Variants in SCAF11 observed in about 807,000 individuals in gnomAD.
The protein encoded by SCAF11 is protein SCAF11.
A neutral mutation model predicts 140.5 loss-of-function variants in SCAF11; 47 were observed. The ratio of observed to expected loss-of-function variants is 0.33; its 90% CI spans 0.26 to 0.43. The LOEUF (loss-of-function observed/expected upper bound fraction) is 0.43. Ranked by LOEUF, SCAF11 falls within the 20% of genes least tolerant of loss-of-function variation. SCAF11 has a pLI of 1.00. For missense variants in SCAF11, 1,645 were observed against 1,705.1 expected (o/e 0.96, Z 0.62); for synonymous variants, 557 against 579.4 (o/e 0.96, Z 0.55).
intron 1 of SCAF11, among the ~76,000 whole-genome samples, chr12:45,985,477 G>T (rs1367611732): frequency 2.0e-5 from 3 of 151,994 alleles, no homozygotes; most frequent in African/African-American, 7.2e-5. Context: ...TGATCTAGAG[G>T]TTCCTCTAGA....
chr12:45,951,585 A>G, intron 4 of SCAF11, 65 bp downstream of exon 4: 1 of 1,066,892 alleles, frequency 9.4e-7, no homozygotes. Context: ...CACAAACTGG[A>G]AATCAAAGTC....
chr12:45,956,986 T>C lies in SCAF11; in HGVS notation c.219+4714A>G, dbSNP rs142094403. On this transcript the variant is annotated intron_variant, in intron 3 of 14. Transcript: ENST00000369367. ...AAAATAGTGGTGGATCTGAAAAAAT[T>C]AGCTACAAGTTAAAGTTCTTGTGGA... 1.2e-4 allele frequency among the ~76,000 whole-genome samples: 19 copies of C among 152,280 alleles called. No homozygotes were observed. The East Asian group carries it at 3.7e-3, about 29-fold the overall frequency.
At chr12:45,976,062 A>G (rs1946225542) in intron 1 of SCAF11, among the ~76,000 whole-genome samples, 1 of 152,196 alleles carries the variant, frequency 6.6e-6, no homozygotes, top group Non-Finnish European at 1.5e-5. Flanking sequence ...CAGTATCTAC[A>G]AAACACAATA....
chr12:45,961,548 ATGAC>A (rs1227713405), intron 3 of SCAF11, 148 bp downstream of exon 3: 8 of 651,890 alleles, frequency 1.2e-5, no homozygotes, highest in Admixed American at 3.4e-5. Context: ...TTAGAAGAAA[ATGAC>A]TGACAGAATT....
rs749097910 is a variant in SCAF11 at position 45,926,787 on chromosome 12, T to C, written c.2914A>G (p.Asn972Asp). ...YSPRWKGRWANDGWRCPRGND... is the reference protein window; with the variant it reads ...YSPRWKGRWADDGWRCPRGND... Reference sequence around the variant, plus strand: ...CCTCGTGGACATCTCCAACCATCATTTGCCCATCTTCCCTTCCACCGGGGA... The same window carrying C: ...CCTCGTGGACATCTCCAACCATCATCTGCCCATCTTCCCTTCCACCGGGGA... The change falls in exon 11 of 15, where the codon AAT (asparagine) becomes GAT (aspartate). Residue 972 changes from asparagine (N) to aspartate (D), a missense_variant. Physicochemically the swap from Asn to Asp is conservative, Grantham distance 23. This residue lies in a region of SCAF11 where 1,582 missense variants were observed against 1,609.2 expected (regional missense o/e 0.98). Transcript: ENST00000369367. 3 of 1,614,174 alleles carry C rather than the reference T, an allele frequency of 1.9e-6. No individual in the cohort carries two copies. The Admixed American group carries it at 5.0e-5, about 27-fold the overall frequency.
intron 1 of SCAF11, among the ~76,000 whole-genome samples, chr12:45,968,998 C>G (rs1484771544): frequency 6.6e-6 from 1 of 152,132 alleles, no homozygotes; most frequent in African/African-American, 2.4e-5. Flanking sequence ...AATAGTGCTG[C>G]CCAACAGGGA....
At chr12:45,956,104 T>A in intron 3 of SCAF11, 1 of 715,810 alleles carries the variant, frequency 1.4e-6, no homozygotes, top group South Asian at 1.5e-5. Flanking sequence ...ACCTTCCTTA[T>A]TTGGGAATTC....
chr12:45,945,593 G>A (rs1945404333), intron 5 of SCAF11, among the ~76,000 whole-genome samples: 1 of 119,794 alleles, frequency 8.3e-6, no homozygotes, highest in Admixed American at 1.0e-4. Context: ...CTGGACTGTT[G>A]TGGTGCAATC....
chr12:45,935,513 A>T (rs1052081844), intron 6 of SCAF11, among the ~76,000 whole-genome samples: 2 of 152,226 alleles, frequency 1.3e-5, no homozygotes, highest in Admixed American at 6.5e-5. Flanking sequence ...AGGTACACAG[A>T]TAACACTCTT....
At chr12:45,958,657 A>T (rs922587711) in intron 3 of SCAF11, among the ~76,000 whole-genome samples, 1 of 152,196 alleles carries the variant, frequency 6.6e-6, no homozygotes, top group African/African-American at 2.4e-5. Context: ...ATCATAGTGG[A>T]CATGATTAAT....
intron 1 of SCAF11, among the ~76,000 whole-genome samples, chr12:45,980,423 T>G (rs1946323450): frequency 6.6e-6 from 1 of 152,172 alleles, no homozygotes. Context: ...ACACACTTAG[T>G]CCCTCTCTCT....
chr12:45,991,897 C>A, upstream of SCAF11: 1 of 1,286,944 alleles, frequency 7.8e-7, no homozygotes, highest in Non-Finnish European at 1.0e-6. Context: ...AGGTCCCAGT[C>A]GCTTTCAGCC....
At chr12:45,950,818 T>C (rs1007106794) in intron 4 of SCAF11, among the ~76,000 whole-genome samples, 1 of 152,142 alleles carries the variant, frequency 6.6e-6, no homozygotes, top group Admixed American at 6.5e-5. Context: ...TTCCATCCCC[T>C]TTTCTACTTA....
intron 1 of SCAF11, chr12:45,975,841 C>G (rs1026925428): frequency 6.6e-6 from 1 of 152,050 alleles, no homozygotes; most frequent in African/African-American, 2.4e-5. Flanking sequence ...CTTATATGGG[C>G]GCTCTTCGTG....
chr12:45,979,828 C>A (rs960565465), intron 1 of SCAF11, among the ~76,000 whole-genome samples: 2 of 151,900 alleles, frequency 1.3e-5, no homozygotes, highest in African/African-American at 4.8e-5. Context: ...AATCCTACTC[C>A]TATGAAATAC....
intron 10 of SCAF11, chr12:45,929,096 G>T: frequency 3.9e-6 from 1 of 258,532 alleles, no homozygotes; most frequent in African/African-American, 2.7e-5. Context: ...CAATTTTATA[G>T]AGAAAAAAAA....
intron 3 of SCAF11, among the ~76,000 whole-genome samples, chr12:45,956,348 A>C (rs1945692612): frequency 6.6e-6 from 1 of 152,214 alleles, no homozygotes; most frequent in South Asian, 2.1e-4. Context: ...GTTCAAAATC[A>C]AATAAAGATG....
intron 1 of SCAF11, among the ~76,000 whole-genome samples, chr12:45,984,455 CTGA>C (rs1248793190): frequency 6.6e-6 from 1 of 152,120 alleles, no homozygotes; most frequent in African/African-American, 2.4e-5. Flanking sequence ...TGTCTCATTA[CTGA>C]TGATGTGCAC....
chr12:45,959,997 A>G (rs776542391), intron 3 of SCAF11, among the ~76,000 whole-genome samples: 14 of 152,232 alleles, frequency 9.2e-5, no homozygotes, highest in Non-Finnish European at 2.1e-4. Context: ...TTTGAAAAAT[A>G]TTACATGCGG....
Sources: gnomAD v4.1 joint callset for allele counts (sites outside exome capture counted in the v4.1 genomes callset) on GRCh38, gnomAD v4.1.1 for gene constraint, gnomAD v4.1.1 regional missense constraint, MANE v1.5 for transcripts, NCBI Gene and HGNC (gene_info 2026-07-23, HGNC 2026-07-21) for gene names.